NDUFB9: variants seen among roughly 807,000 people sequenced by gnomAD.
NDUFB9 encodes the protein NADH dehydrogenase [ubiquinone] 1 beta subcomplex subunit 9.
Under a neutral mutation model 30.2 loss-of-function variants are expected in NDUFB9, and 24 were observed. The observed-to-expected ratio is 0.80, with a 90% CI of 0.58 to 1.12. The LOEUF (loss-of-function observed/expected upper bound fraction) is 1.12. NDUFB9 is among the 50% of genes most tolerant of loss of function. NDUFB9 has a pLI of 0.00. For missense variants in NDUFB9, 204 were observed against 226.0 expected (o/e 0.90, Z 0.62); for synonymous variants, 80 against 84.0 (o/e 0.95, Z 0.26).
intron 1 of NDUFB9, among the ~76,000 whole-genome samples, chr8:124,541,441 T>C (rs1303062475): frequency 6.6e-6 from 1 of 152,242 alleles, no homozygotes; most frequent in Non-Finnish European, 1.5e-5. Flanking sequence ...ATAAATTCTC[T>C]TTCCAGTATG....
chr8:124,545,738 C>T (rs1265257038), intron 2 of NDUFB9, among the ~76,000 whole-genome samples: 2 of 152,324 alleles, frequency 1.3e-5, no homozygotes, highest in South Asian at 2.1e-4. Flanking sequence ...CTATGTTGTC[C>T]AGGCTGGTCT....
At chr8:124,539,515 A>G in intron 1 of NDUFB9, 1 of 558,530 alleles carries the variant, frequency 1.8e-6, no homozygotes, top group South Asian at 2.1e-5. Context: ...CTTTTTGTTT[A>G]GTAAAACGGA....
At chr8:124,545,683 C>T (rs546048834) in intron 2 of NDUFB9, among the ~76,000 whole-genome samples, 1 of 152,116 alleles carries the variant, frequency 6.6e-6, no homozygotes, top group South Asian at 2.1e-4. Flanking sequence ...GGCACAACAC[C>T]ACACCTAGCT....
chr8:124,544,465 A>G (rs1822106955), intron 2 of NDUFB9, among the ~76,000 whole-genome samples: 1 of 152,232 alleles, frequency 6.6e-6, no homozygotes. Context: ...TAGAACTTTC[A>G]TACCTTGAGA....
intron 1 of NDUFB9, 80 bp downstream of exon 1, chr8:124,539,367 G>A: frequency 7.9e-7 from 1 of 1,264,618 alleles, no homozygotes. Flanking sequence ...GTACCTGGAG[G>A]TTCAAGGACT....
At chr8:124,545,203 A>G (rs1036891909) in intron 2 of NDUFB9, among the ~76,000 whole-genome samples, 1 of 152,226 alleles carries the variant, frequency 6.6e-6, no homozygotes, top group Non-Finnish European at 1.5e-5. Context: ...ATTGATGATA[A>G]CAAAGGACTT....
At chr8:124,539,390 T>C (rs2131597837) in intron 1 of NDUFB9, 103 bp downstream of exon 1, 2 of 1,031,702 alleles carry the variant, frequency 1.9e-6, no homozygotes, top group South Asian at 2.6e-5. Context: ...GGGAACGGAA[T>C]TGGAAGGTGG....
intron 1 of NDUFB9, among the ~76,000 whole-genome samples, chr8:124,542,652 C>T (rs1193663712): frequency 6.6e-6 from 1 of 152,174 alleles, no homozygotes; most frequent in African/African-American, 2.4e-5. Flanking sequence ...CTAAGCAATA[C>T]TGTTTCTGCC....
At chr8:124,548,228 C>G (rs192323243) in intron 3 of NDUFB9, among the ~76,000 whole-genome samples, 205 of 152,010 alleles carry the variant, frequency 1.3e-3, no homozygotes, top group African/African-American at 4.8e-3. Flanking sequence ...GAAACAGAAA[C>G]GTGGGAGTTT....
In NDUFB9 at chr8:124,543,104, T is replaced by C. The variant is rs1822062748; in HGVS notation, c.119T>C (p.Phe40Ser). The C allele has an allele frequency of 6.2e-7, 1 of 1,614,090 alleles. No homozygotes were observed. Among genetic ancestry groups the C allele is most frequent in the African/African-American group, 1.3e-5 (1 of 74,930 alleles). Residue 40 changes from phenylalanine to serine, a missense_variant, in exon 2 of 4, where the codon TTT becomes TCT. Transcript: ENST00000276689. Reference sequence around the variant, plus strand: ...GGTTTAAGAGACAAATACCGATACTTTGCTTGTTTGATGAGAGCCCGGTTT... The same window carrying C: ...GGTTTAAGAGACAAATACCGATACTCTGCTTGTTTGATGAGAGCCCGGTTT... ...WCVQRDKYRY[F>S]ACLMRARFEE...
chr8:124,543,364 C>A, intron 2 of NDUFB9, 85 bp downstream of exon 2: 1 of 1,390,804 alleles, frequency 7.2e-7, no homozygotes, highest in South Asian at 1.2e-5. Flanking sequence ...ATCACTTGCC[C>A]TTCAAGGGGT....
chr8:124,544,529 G>C (rs1323489911), intron 2 of NDUFB9, among the ~76,000 whole-genome samples: 2 of 152,194 alleles, frequency 1.3e-5, no homozygotes, highest in Non-Finnish European at 2.9e-5. Flanking sequence ...TCTTGTTAGG[G>C]ACTAATGCAG....
chr8:124,547,622 C>T (rs761264272), intron 3 of NDUFB9, among the ~76,000 whole-genome samples: 4 of 152,038 alleles, frequency 2.6e-5, no homozygotes, highest in African/African-American at 9.7e-5. Flanking sequence ...CTCAGGACAT[C>T]ATTTGGAGGG....
intron 2 of NDUFB9, among the ~76,000 whole-genome samples, chr8:124,545,402 C>G (rs1822130414): frequency 6.6e-6 from 1 of 152,186 alleles, no homozygotes; most frequent in Non-Finnish European, 1.5e-5. Flanking sequence ...CAAAGCCACT[C>G]CAGCCTTTGG....
chr8:124,544,905 G>A (rs901120595), intron 2 of NDUFB9, among the ~76,000 whole-genome samples: 9 of 152,158 alleles, frequency 5.9e-5, no homozygotes, highest in African/African-American at 2.2e-4. Flanking sequence ...ATGCCATTGA[G>A]GATATTTATG....
At chr8:124,545,516 T>TA in intron 2 of NDUFB9, among the ~76,000 whole-genome samples, 1 of 152,324 alleles carries the variant, frequency 6.6e-6, no homozygotes, top group East Asian at 1.9e-4. Context: ...TGGCAGTTTT[T>TA]ATCAATAACG....
rs1447165117 is a variant in NDUFB9, at chr8:124,539,408, C to G, written c.101+121C>G. 3.5e-6 allele frequency: 3 copies of G among 865,556 alleles called. No homozygotes were observed. The African/African-American group carries it at 5.0e-5, about 14-fold the overall frequency. The allele number at this position is 865,556 out of a possible 1,614,324, so 53.6% of individuals were successfully genotyped here. A position where few individuals can be genotyped will look rare whatever the true frequency, so the allele number is the denominator to read the frequency against. On this transcript the variant is annotated intron_variant, in intron 1 of 3. Coordinates refer to ENST00000276689, the MANE Select transcript of NDUFB9 (RefSeq NM_005005.3). ...AACGGAATTGGAAGGTGGCCTCTCGCTTCACAGAATCCTATGGTAGACCCG... is the reference window on the plus strand; with the variant it reads ...AACGGAATTGGAAGGTGGCCTCTCGGTTCACAGAATCCTATGGTAGACCCG...
intron 3 of NDUFB9, 124 bp downstream of exon 3, chr8:124,547,237 CT>C (rs1354903785): frequency 2.7e-6 from 2 of 754,086 alleles, no homozygotes; most frequent in East Asian, 5.1e-5. Flanking sequence ...CTCAGATATA[CT>C]TTAGTATCTA....
At chr8:124,542,914 G>A in intron 1 of NDUFB9, 173 bp from the exon 2 acceptor site, 1 of 625,704 alleles carries the variant, frequency 1.6e-6, no homozygotes, top group Admixed American at 2.6e-5. Flanking sequence ...TGCTGCTGCT[G>A]TTTGGTGGGC....
Sources: allele counts gnomAD v4.1 joint callset (sites outside exome capture counted in the v4.1 genomes callset), GRCh38; gene constraint gnomAD v4.1.1; transcripts MANE v1.5; gene names NCBI Gene and HGNC (gene_info 2026-07-23, HGNC 2026-07-21).